AUH: variants seen among roughly 807,000 people sequenced by gnomAD.
AUH encodes AU RNA binding methylglutaconyl-CoA hydratase.
A neutral mutation model predicts 42.3 loss-of-function variants in AUH; 29 were observed. The observed-to-expected ratio is 0.69, with a 90% CI of 0.51 to 0.93. The LOEUF (loss-of-function observed/expected upper bound fraction) is 0.93, where lower values mean the gene tolerates loss of function less well. Ranked by LOEUF, AUH falls within the 40% of genes least tolerant of loss-of-function variation. The probability of loss-of-function intolerance (pLI) is 0.00; values close to 1 mark genes in which losing one functional copy is unlikely to be tolerated. For missense variants in AUH, 452 were observed against 438.1 expected (o/e 1.03, Z -0.28); for synonymous variants, 174 against 166.4 (o/e 1.05, Z -0.35).
At chr9:91,252,979 G>T (rs1450609292) in intron 6 of AUH, among the ~76,000 whole-genome samples, 1 of 152,062 alleles carries the variant, frequency 6.6e-6, no homozygotes, top group Non-Finnish European at 1.5e-5. Context: ...CCAACATATG[G>T]TTTAAAATTT....
intron 4 of AUH, among the ~76,000 whole-genome samples, chr9:91,314,221 G>A (rs1828963055): frequency 6.6e-6 from 1 of 151,972 alleles, no homozygotes; most frequent in Non-Finnish European, 1.5e-5. Context: ...TTAAAAGTAG[G>A]GGGCCAGGAA....
chr9:91,254,956 G>T (rs910516964), intron 6 of AUH, among the ~76,000 whole-genome samples: 13 of 152,120 alleles, frequency 8.5e-5, no homozygotes, highest in Admixed American at 2.0e-4. Flanking sequence ...CCAGGACCTG[G>T]TATACAGCAT....
intron 3 of AUH, among the ~76,000 whole-genome samples, chr9:91,330,479 C>T (rs1830249098): frequency 6.6e-6 from 1 of 152,026 alleles, no homozygotes; most frequent in South Asian, 2.1e-4. Context: ...GTCAAGATAC[C>T]GCATAAAGTA....
chr9:91,266,866 GGTTA>G (rs1830005124), intron 6 of AUH, among the ~76,000 whole-genome samples: 1 of 152,144 alleles, frequency 6.6e-6, no homozygotes, highest in African/African-American at 2.4e-5. Context: ...ATATTTTAAG[GGTTA>G]GATAGCAAAC....
intron 4 of AUH, among the ~76,000 whole-genome samples, chr9:91,306,768 A>C (rs1268372078): frequency 6.6e-6 from 1 of 152,218 alleles, no homozygotes; most frequent in Non-Finnish European, 1.5e-5. Flanking sequence ...TAATATGCTG[A>C]TCCACTACAT....
chr9:91,343,806 C>T (rs1205393252), intron 3 of AUH, among the ~76,000 whole-genome samples: 1 of 152,150 alleles, frequency 6.6e-6, no homozygotes, highest in African/African-American at 2.4e-5. Context: ...ATAATATGAA[C>T]AATTTTATGG....
intron 6 of AUH, among the ~76,000 whole-genome samples, chr9:91,245,929 G>A (rs929673000): frequency 6.6e-6 from 1 of 152,168 alleles, no homozygotes; most frequent in Non-Finnish European, 1.5e-5. Context: ...TGACGGGGAT[G>A]GGGACAGGAG....
chr9:91,284,951 C>T (rs147825919), intron 6 of AUH, among the ~76,000 whole-genome samples: 36 of 152,258 alleles, frequency 2.4e-4, no homozygotes, highest in Admixed American at 7.8e-4. Context: ...CCAGCCATCC[C>T]GTTACTGGGT....
At position 91,216,198 on chromosome 9, in the gene AUH, A is replaced by G. The variant is rs1587610643; in HGVS notation, c.895-92T>C. ...ATTCAAATTGAATAACCTTATCCCC[A>G]AAGCACCCAATCCTTTGATATAGTA... is the stretch of plus-strand genomic sequence containing the variant. On this transcript the variant is annotated intron_variant, in intron 8 of 9. Coordinates refer to ENST00000375731, the MANE Select transcript of AUH (RefSeq NM_001698.3). The G allele has an allele frequency of 3.2e-6, 4 of 1,233,070 alleles. No individual in the cohort carries two copies. The East Asian group carries it at 7.1e-5, about 22-fold the overall frequency. The allele number at this position is 1,233,070 out of a possible 1,614,324, so 76.4% of individuals were successfully genotyped here.
chr9:91,246,071 GA>G (rs1439051419), intron 6 of AUH, among the ~76,000 whole-genome samples: 1 of 151,748 alleles, frequency 6.6e-6, no homozygotes, highest in Non-Finnish European at 1.5e-5. Flanking sequence ...GGCAGCCTGG[GA>G]AAAGATATTT....
intron 1 of AUH, among the ~76,000 whole-genome samples, chr9:91,356,651 C>G (rs1832438030): frequency 6.6e-6 from 1 of 152,144 alleles, no homozygotes; most frequent in South Asian, 2.1e-4. Flanking sequence ...TCAACCTATA[C>G]AAAACAAAGT....
intron 6 of AUH, among the ~76,000 whole-genome samples, chr9:91,226,802 A>G (rs1363765095): frequency 8.2e-6 from 1 of 121,312 alleles, no homozygotes; most frequent in Non-Finnish European, 1.7e-5. Context: ...CATTTATTAA[A>G]TAGGGAATCC....
intron 3 of AUH, among the ~76,000 whole-genome samples, chr9:91,331,661 C>T (rs1830334817): frequency 6.6e-6 from 1 of 152,174 alleles, no homozygotes; most frequent in South Asian, 2.1e-4. Context: ...ATATTTTAAA[C>T]ACCACCCACT....
At chr9:91,332,727 A>C (rs1830420570) in intron 3 of AUH, among the ~76,000 whole-genome samples, 1 of 152,176 alleles carries the variant, frequency 6.6e-6, no homozygotes, top group Non-Finnish European at 1.5e-5. Flanking sequence ...GGCTGAATAT[A>C]CATATTTAAC....
chr9:91,301,096 C>G (rs900024049), intron 4 of AUH, among the ~76,000 whole-genome samples: 1 of 151,958 alleles, frequency 6.6e-6, no homozygotes. Flanking sequence ...TTATTAACTT[C>G]TTTTGTTTAA....
chr9:91,267,119 T>C (rs1830016628), intron 6 of AUH, among the ~76,000 whole-genome samples: 2 of 152,138 alleles, frequency 1.3e-5, no homozygotes, highest in Admixed American at 1.3e-4. Flanking sequence ...GAACTAGCAA[T>C]GCATGCCCTA....
intron 6 of AUH, among the ~76,000 whole-genome samples, chr9:91,265,669 A>G (rs1277302193): frequency 6.6e-6 from 1 of 152,240 alleles, no homozygotes; most frequent in East Asian, 1.9e-4. Context: ...ACTATCGAGC[A>G]GTAGACTCCA....
rs1012217375 is a variant in AUH, at chr9:91,214,255, T to G, written c.*93A>C. On this transcript the variant is annotated 3_prime_UTR_variant, in exon 10 of 10. Coordinates refer to ENST00000375731, the MANE Select transcript of AUH (RefSeq NM_001698.3). ...ATAATCTGCTCTTCACTTTGGTCAT[T>G]AAGGTTCCATGTGCTGAGGCATATA... The G allele has an allele frequency of 1.8e-6, 2 of 1,093,300 alleles. No homozygotes were observed. The highest frequency in any genetic ancestry group is 2.0e-5 in the Admixed American group (1 of 50,844). The allele number at this position is 1,093,300 out of a possible 1,614,324, so 67.7% of individuals were successfully genotyped here.
At chr9:91,361,532 G>A (rs901311819) in intron 1 of AUH, 96 bp downstream of exon 1, 53 of 1,494,738 alleles carry the variant, frequency 3.5e-5, no homozygotes, top group Non-Finnish European at 4.5e-5. Flanking sequence ...GCCTGACCTC[G>A]ACCCCGCGTC....
Sources: gnomAD v4.1 joint callset for allele counts (sites outside exome capture counted in the v4.1 genomes callset) on GRCh38, gnomAD v4.1.1 for gene constraint, MANE v1.5 for transcripts, NCBI Gene and HGNC (gene_info 2026-07-23, HGNC 2026-07-21) for gene names.